The following ARHGAP26 variants were observed in gnomAD, a reference collection of about 807,000 sequenced individuals.
ARHGAP26 encodes the protein Rho GTPase activating protein 26.
Under a neutral mutation model 104.8 loss-of-function variants are expected in ARHGAP26, and 38 were observed. That is an observed-to-expected ratio of 0.36 (90% confidence interval 0.28 to 0.48). ARHGAP26 has a LOEUF of 0.48. ARHGAP26 is among the 20% of genes least tolerant of loss of function. ARHGAP26 has a pLI of 0.99. For synonymous variants in ARHGAP26, 341 were observed against 340.0 expected, an observed-to-expected ratio of 1.00 and a Z score of -0.03; for missense variants, 704 against 947.9, an observed-to-expected ratio of 0.74 and a Z score of 3.38.
At chr5:142,970,856 C>T (rs1341256091) in intron 11 of ARHGAP26, among the ~76,000 whole-genome samples, 3 of 152,162 alleles carry the variant, frequency 2.0e-5, no homozygotes, top group Non-Finnish European at 4.4e-5. Context: ...GAAAGGCTTT[C>T]TGGAGAAGGC....
chr5:142,968,831 T>C (rs1181821352), intron 11 of ARHGAP26, among the ~76,000 whole-genome samples: 1 of 152,254 alleles, frequency 6.6e-6, no homozygotes, highest in African/African-American at 2.4e-5. Context: ...CCTGACAAAC[T>C]GCTGGCACAT....
intron 17 of ARHGAP26, among the ~76,000 whole-genome samples, chr5:143,065,625 G>A (rs1418509779): frequency 3.3e-5 from 5 of 152,200 alleles, no homozygotes; most frequent in Non-Finnish European, 7.4e-5. Context: ...TTTTAACTTC[G>A]CACATCAGGT....
intron 8 of ARHGAP26, 116 bp downstream of exon 8, chr5:142,903,785 A>G: frequency 9.4e-7 from 1 of 1,065,310 alleles, no homozygotes; most frequent in Admixed American, 3.3e-5. Context: ...TAACAAGAAC[A>G]ATTTTATAGT....
rs1365356881 is a variant in ARHGAP26 at position 142,825,586 on chromosome 5, C to T, written c.155-47814C>T. ...CTTGATTTAATTTGTTTCCTGCCCACAAGCCACCTGAAGTTCAAAGGGTTA... is the reference window on the plus strand; with the variant it reads ...CTTGATTTAATTTGTTTCCTGCCCATAAGCCACCTGAAGTTCAAAGGGTTA... On this transcript the variant is annotated intron_variant, in intron 1 of 22. Transcript: ENST00000645722. 3.9e-5 allele frequency among the ~76,000 whole-genome samples: 6 copies of T among 152,216 alleles called. No homozygotes were observed. In the South Asian group the frequency reaches 1.2e-3, roughly 32 times the overall value.
chr5:143,080,066 G>A (rs1169891333), intron 17 of ARHGAP26, among the ~76,000 whole-genome samples: 1 of 152,144 alleles, frequency 6.6e-6, no homozygotes, highest in East Asian at 1.9e-4. Context: ...ATTCTAGTAG[G>A]TGAGTCCTGG....
At chr5:142,832,470 T>C (rs1174181812) in intron 1 of ARHGAP26, among the ~76,000 whole-genome samples, 1 of 152,246 alleles carries the variant, frequency 6.6e-6, no homozygotes, top group Non-Finnish European at 1.5e-5. Flanking sequence ...CAGCAGGACC[T>C]GACCTTGCTG....
intron 11 of ARHGAP26, among the ~76,000 whole-genome samples, chr5:142,972,142 A>G (rs1246226410): frequency 2.0e-5 from 3 of 151,600 alleles, no homozygotes. Context: ...AAATTGTGCC[A>G]CTGCACTCCA....
intron 20 of ARHGAP26, among the ~76,000 whole-genome samples, chr5:143,157,833 T>C (rs1018420631): frequency 6.6e-6 from 1 of 152,190 alleles, no homozygotes; most frequent in East Asian, 1.9e-4. Flanking sequence ...AGCTTTAGAA[T>C]CTGGGGCAGG....
chr5:142,814,387 A>G (rs1023448924), intron 1 of ARHGAP26, among the ~76,000 whole-genome samples: 5 of 152,190 alleles, frequency 3.3e-5, no homozygotes, highest in African/African-American at 1.2e-4. Flanking sequence ...TCGGTTTCCA[A>G]TTCCTGTTCT....
At chr5:142,843,381 G>T (rs954944451) in intron 1 of ARHGAP26, among the ~76,000 whole-genome samples, 2 of 152,228 alleles carry the variant, frequency 1.3e-5, no homozygotes, top group Non-Finnish European at 2.9e-5. Context: ...AGCAACTAAT[G>T]TAGGGTTCAT....
chr5:142,931,741 A>G (rs898927257), intron 10 of ARHGAP26, among the ~76,000 whole-genome samples: 3 of 152,212 alleles, frequency 2.0e-5, no homozygotes, highest in Non-Finnish European at 1.5e-5. Flanking sequence ...CTAGAAATGA[A>G]TAAGATTTCA....
chr5:143,187,117 G>A (rs1805267807), intron 20 of ARHGAP26, among the ~76,000 whole-genome samples: 1 of 152,210 alleles, frequency 6.6e-6, no homozygotes, highest in Non-Finnish European at 1.5e-5. Context: ...AATCCTATGA[G>A]GTGTAAGTAT....
At chr5:142,987,240 T>C (rs1774888107) in intron 11 of ARHGAP26, among the ~76,000 whole-genome samples, 1 of 152,228 alleles carries the variant, frequency 6.6e-6, no homozygotes, top group Non-Finnish European at 1.5e-5. Context: ...CCTAGGTATT[T>C]TATTCTCTTT....
At chr5:143,094,778 T>G (rs1792051014) in intron 17 of ARHGAP26, among the ~76,000 whole-genome samples, 2 of 150,858 alleles carry the variant, frequency 1.3e-5, no homozygotes, top group Admixed American at 6.6e-5. Context: ...AGTGATGGGG[T>G]GAGTGGTTTG....
rs1396394361 is a variant in ARHGAP26 at position 143,227,990 on chromosome 5, C to A, written c.*5544C>A. The A allele has an allele frequency of 4.5e-6, 1 of 221,094 alleles. No individual in the cohort carries two copies. Among genetic ancestry groups the A allele is most frequent in the Admixed American group, 5.8e-5 (1 of 17,340 alleles). 13.7% of individuals were successfully genotyped at this position (221,094 alleles called of 1,614,324 possible). On this transcript the variant is annotated 3_prime_UTR_variant, in exon 23 of 23. Coordinates refer to ENST00000645722, the MANE Select transcript of ARHGAP26 (RefSeq NM_001135608.3). ...CAAAGGCTTAGCATAGACCTAGACC[C>A]TTGTGTGGGTATGACATGACATGAC...
chr5:142,974,418 GA>G (rs1647650634), intron 11 of ARHGAP26, among the ~76,000 whole-genome samples: 1 of 152,052 alleles, frequency 6.6e-6, no homozygotes, highest in African/African-American at 2.4e-5. Flanking sequence ...CGAATGTTTG[GA>G]AATGTTGGAA....
chr5:142,936,319 T>C (rs1232630038), intron 11 of ARHGAP26, among the ~76,000 whole-genome samples: 1 of 152,156 alleles, frequency 6.6e-6, no homozygotes, highest in Non-Finnish European at 1.5e-5. Context: ...GGTATAAATC[T>C]AATTAAGCAT....
At chr5:142,771,206 A>G (rs1263133727) in intron 1 of ARHGAP26, 5 of 1,280,894 alleles carry the variant, frequency 3.9e-6, no homozygotes, top group South Asian at 2.6e-5. Context: ...CGCGGCACGC[A>G]GGTGTCCCAG....
chr5:143,098,311 C>G (rs1390557795), intron 17 of ARHGAP26, among the ~76,000 whole-genome samples: 5 of 152,120 alleles, frequency 3.3e-5, no homozygotes, highest in African/African-American at 9.7e-5. Context: ...GCATACAATT[C>G]CGCAATGTCA....
Sources: gnomAD v4.1 joint callset for allele counts (sites outside exome capture counted in the v4.1 genomes callset) on GRCh38, gnomAD v4.1.1 for gene constraint, MANE v1.5 for transcripts, NCBI Gene and HGNC (gene_info 2026-07-23, HGNC 2026-07-21) for gene names.